The following S100Z variants were observed in gnomAD, a reference collection of about 807,000 sequenced individuals.
S100Z encodes protein S100-Z.
S100Z carries 11 observed loss-of-function variants against 8.5 expected under a neutral mutation model. The observed-to-expected ratio is 1.30, with a 90% CI of 0.82 to 2.15. The LOEUF (loss-of-function observed/expected upper bound fraction) is 2.15, where lower values mean the gene tolerates loss of function less well. Ranked by LOEUF, S100Z falls within the 30% of genes most tolerant of loss-of-function variation. The pLI is 0.00. For synonymous variants in S100Z, 34 were observed against 43.8 expected, an observed-to-expected ratio of 0.78 and a Z score of 0.89; for missense variants, 126 against 117.9, an observed-to-expected ratio of 1.07 and a Z score of -0.32.
intron 1 of S100Z, among the ~76,000 whole-genome samples, chr5:76,855,854 A>G (rs2434648): frequency 0.34 from 51,400 of 152,004 alleles, 9,765 homozygotes; most frequent in South Asian, 0.65. Context: ...GTCCCCATCA[A>G]ATCTCATGTT....
intron 4 of S100Z, among the ~76,000 whole-genome samples, chr5:76,891,349 G>A (rs1240864215): frequency 6.6e-6 from 1 of 152,154 alleles, no homozygotes. Flanking sequence ...TCTAGGGATG[G>A]GGCCCAGGCA....
the S100Z span, among the ~76,000 whole-genome samples, chr5:76,930,848 AC>A: frequency 1.7e-3 from 252 of 152,224 alleles, 2 homozygotes; most frequent in Non-Finnish European, 1.8e-3. Flanking sequence ...CTGGAATATT[AC>A]CCATCTGGGA....
chr5:76,917,864 T>C (rs1181591424), intron 4 of S100Z, among the ~76,000 whole-genome samples: 1 of 151,174 alleles, frequency 6.6e-6, no homozygotes. Flanking sequence ...AAGGTCAAAA[T>C]TGGTATTGAA....
At chr5:76,913,336 A>T (rs1455610790) in intron 4 of S100Z, among the ~76,000 whole-genome samples, 1 of 152,234 alleles carries the variant, frequency 6.6e-6, no homozygotes, top group African/African-American at 2.4e-5. Flanking sequence ...CAGGCGATTA[A>T]GGGAAAAAGA....
At chr5:76,863,303 C>G (rs1232287019) in intron 1 of S100Z, among the ~76,000 whole-genome samples, 1 of 152,214 alleles carries the variant, frequency 6.6e-6, no homozygotes, top group Admixed American at 6.5e-5. Flanking sequence ...TGCACACACA[C>G]AAGCACTCAC....
chr5:76,878,538 A>G (rs1347956484), intron 4 of S100Z, among the ~76,000 whole-genome samples: 1 of 152,170 alleles, frequency 6.6e-6, no homozygotes, highest in African/African-American at 2.4e-5. Flanking sequence ...TCCTGCTCCA[A>G]CCCTGAGTTT....
At chr5:76,926,970 C>T in the S100Z span, among the ~76,000 whole-genome samples, 2 of 152,176 alleles carry the variant, frequency 1.3e-5, no homozygotes, top group Admixed American at 1.3e-4. Flanking sequence ...CTCTTTATCT[C>T]TTAAGACAAT....
chr5:76,929,782 A>C, the S100Z span, among the ~76,000 whole-genome samples: 1 of 152,220 alleles, frequency 6.6e-6, no homozygotes, highest in Non-Finnish European at 1.5e-5. Flanking sequence ...AACAGTATCC[A>C]AATAACCAAT....
Position 76,886,840 on chromosome 5 carries a change from G to A in S100Z, c.*2+9006G>A, listed in dbSNP as rs189873420. Among the ~76,000 whole-genome samples, 152 of 152,254 alleles carry A rather than the reference G, an allele frequency of 1.0e-3. 2 individuals carry two copies. Among genetic ancestry groups the A allele is most frequent in the African/African-American group, 3.6e-3 (148 of 41,556 alleles). On this transcript the variant is annotated intron_variant, in intron 4 of 4. Coordinates refer to ENST00000317593, the MANE Select transcript of S100Z (RefSeq NM_130772.4). Reference sequence around the variant, plus strand: ...GCAAAGAACCTTCTTAAGGGTTGGGGCGATTACAAAGTACATTGATCAGTT... The same window carrying A: ...GCAAAGAACCTTCTTAAGGGTTGGGACGATTACAAAGTACATTGATCAGTT...
chr5:76,863,678 A>G (rs1274376444), intron 1 of S100Z, among the ~76,000 whole-genome samples: 2 of 151,934 alleles, frequency 1.3e-5, no homozygotes, highest in African/African-American at 4.8e-5. Flanking sequence ...AGCTGGGACT[A>G]CAGGCACCCG....
chr5:76,912,454 C>T (rs1334745699), intron 4 of S100Z, among the ~76,000 whole-genome samples: 14 of 152,170 alleles, frequency 9.2e-5, no homozygotes. Flanking sequence ...CAGGTTATGT[C>T]ATAGTTAATG....
At chr5:76,899,736 G>T (rs1179145976) in intron 4 of S100Z, among the ~76,000 whole-genome samples, 4 of 151,968 alleles carry the variant, frequency 2.6e-5, no homozygotes, top group Non-Finnish European at 5.9e-5. Flanking sequence ...ATTATTTTTG[G>T]TTGGTTCATC....
At chr5:76,855,092 A>G (rs1032870676) in intron 1 of S100Z, among the ~76,000 whole-genome samples, 1 of 152,202 alleles carries the variant, frequency 6.6e-6, no homozygotes, top group Non-Finnish European at 1.5e-5. Context: ...GCCTCTGCAC[A>G]GATTTGAAAG....
intron 4 of S100Z, among the ~76,000 whole-genome samples, chr5:76,917,141 AAAAG>A (rs1373233932): frequency 6.6e-6 from 1 of 151,776 alleles, no homozygotes; most frequent in African/African-American, 2.4e-5. Flanking sequence ...AAAAAAAAAA[AAAAG>A]GATATTTCAA....
chr5:76,944,623 A>T, the S100Z span, among the ~76,000 whole-genome samples: 1 of 152,172 alleles, frequency 6.6e-6, no homozygotes, highest in Non-Finnish European at 1.5e-5. Flanking sequence ...CACCACAGAT[A>T]ACTAAACACC....
At chr5:76,859,276 C>A (rs1208801832) in intron 1 of S100Z, among the ~76,000 whole-genome samples, 1 of 152,030 alleles carries the variant, frequency 6.6e-6, no homozygotes, top group Non-Finnish European at 1.5e-5. Flanking sequence ...ACTTTGGAAC[C>A]CAGTGTTGAC....
chr5:76,867,695 C>T (rs10076411), intron 1 of S100Z, among the ~76,000 whole-genome samples: 60,774 of 150,426 alleles, frequency 0.4, 12,544 homozygotes, highest in East Asian at 0.66. Context: ...GATCCTCCTG[C>T]CTCAGCCTCT....
chr5:76,946,886 C>T, the S100Z span, among the ~76,000 whole-genome samples: 4 of 152,052 alleles, frequency 2.6e-5, no homozygotes, highest in Admixed American at 6.5e-5. Context: ...AACTCTTTTG[C>T]GGAAACCTAT....
chr5:76,907,796 A>G (rs1409713068), intron 4 of S100Z, among the ~76,000 whole-genome samples: 1 of 152,194 alleles, frequency 6.6e-6, no homozygotes, highest in Non-Finnish European at 1.5e-5. Flanking sequence ...TCATTGCAGA[A>G]AAAAATTCTA....
Sources: allele counts gnomAD v4.1 joint callset (sites outside exome capture counted in the v4.1 genomes callset), GRCh38; gene constraint gnomAD v4.1.1; transcripts MANE v1.5; gene names NCBI Gene and HGNC (gene_info 2026-07-23, HGNC 2026-07-21).